The following ABCA4 variants were observed in gnomAD, a reference collection of about 807,000 sequenced individuals.
ABCA4 encodes ATP binding cassette subfamily A member 4, also known as retinal-specific phospholipid-transporting ATPase ABCA4.
ABCA4 carries 196 observed loss-of-function variants against 263.7 expected under a neutral mutation model. The ratio of observed to expected loss-of-function variants is 0.74; its 90% CI spans 0.66 to 0.84. ABCA4 has a LOEUF of 0.84. Among genes scored for constraint, ABCA4 ranks in the 40% least tolerant of loss-of-function variants. The probability of loss-of-function intolerance (pLI) is 0.00; values close to 1 mark genes in which losing one functional copy is unlikely to be tolerated. For missense variants in ABCA4, 2,792 were observed against 2,855.1 expected (o/e 0.98, Z 0.50); for synonymous variants, 1,133 against 1,094.2 (o/e 1.04, Z -0.70).
In ABCA4 at chr1:94,021,332, G is replaced by T. The variant is rs61753017; in HGVS notation, c.4926C>A (p.Ser1642Arg). ...CCTCGGGGCTCCTGTCCTTAGGCAG[G>T]CTGGCCCGTAAGATGGCGTTGTGGG... The part of the protein sequence containing the change: ...NVAHNAILRA[S>R]LPKDRSPEEY... The change falls in exon 35 of 50, where the codon AGC becomes AGA. Residue 1642 changes from serine (S) to arginine (R), a missense_variant. Ser to Arg is a moderately radical substitution (Grantham distance 110, BLOSUM62 -1). Coordinates refer to ENST00000370225, the MANE Select transcript of ABCA4 (RefSeq NM_000350.3). 1.2e-6 allele frequency: 2 copies of T among 1,614,196 alleles called. No homozygotes were observed. The highest frequency in any genetic ancestry group is 1.7e-6 in the Non-Finnish European group (2 of 1,180,042).
intron 7 of ABCA4, 143 bp from the exon 8 acceptor site, chr1:94,080,861 GA>G (rs1661678406): frequency 7.7e-7 from 1 of 1,301,318 alleles, no homozygotes; most frequent in Non-Finnish European, 1.1e-6. Flanking sequence ...ATCCAGCTGC[GA>G]AAAACAAAAA....
chr1:94,088,905 G>A (rs1661902878), intron 6 of ABCA4, among the ~76,000 whole-genome samples: 1 of 152,250 alleles, frequency 6.6e-6, no homozygotes, highest in African/African-American at 2.4e-5. Flanking sequence ...CTGCGCATAA[G>A]TAAATCAGTC....
Position 94,028,924 on chromosome 1 carries a change from A to AC in ABCA4, c.4539+520_4539+521insG, listed in dbSNP as rs1332628574. 3.9e-4 allele frequency among the ~76,000 whole-genome samples: 56 copies of AC among 143,020 alleles called. 1 individual carries two copies. Among genetic ancestry groups the AC allele is most frequent in the African/African-American group, 1.4e-3 (54 of 39,372 alleles). 93.8% of individuals were successfully genotyped at this position (143,020 alleles called of 152,430 possible). A position where few individuals can be genotyped will look rare whatever the true frequency, so the allele number is the denominator to read the frequency against. ...TCTGTCTCAAAAAAAAAAAAAAAAA[A>AC]AAAAAAGAAATTCAAACAATGGGAT... On this transcript the variant is annotated intron_variant, in intron 30 of 49. Transcript: ENST00000370225.
chr1:94,019,852 C>T (rs1571256890), intron 35 of ABCA4, 93 bp from the exon 36 acceptor site: 15 of 1,410,490 alleles, frequency 1.1e-5, no homozygotes, highest in Non-Finnish European at 1.5e-5. Context: ...GAAGGCCTTA[C>T]ACCCGCCCAG....
chr1:94,074,127 G>T (rs962877045), intron 11 of ABCA4, among the ~76,000 whole-genome samples: 2 of 152,168 alleles, frequency 1.3e-5, no homozygotes, highest in Non-Finnish European at 2.9e-5. Flanking sequence ...TGAGCCAGTC[G>T]ATCTGGGTTG....
intron 26 of ABCA4, 44 bp from the exon 27 acceptor site, chr1:94,032,087 G>A (rs1238896290): frequency 1.9e-6 from 3 of 1,601,100 alleles, no homozygotes. Flanking sequence ...ATGCCTATAA[G>A]GTCTGGATCT....
chr1:94,104,021 G>A (rs1057187997), intron 4 of ABCA4, among the ~76,000 whole-genome samples: 1 of 152,196 alleles, frequency 6.6e-6, no homozygotes. Flanking sequence ...GATTGTTGAT[G>A]CGGGGTAAGG....
At position 94,037,315 on chromosome 1, in the gene ABCA4, G is replaced by T; in HGVS notation, c.3643C>A (p.His1215Asn). Reference sequence around the variant, plus strand: ...TCCACCAGCTTTGCCTCTGGAACATGGTGGAGAACTACATCCATCAGCTCA... The same window carrying T: ...TCCACCAGCTTTGCCTCTGGAACATTGTGGAGAACTACATCCATCAGCTCA... ...VNELMDVVLHHVPEAKLVECI... is the reference protein window; with the variant it reads ...VNELMDVVLHNVPEAKLVECI... The change falls in exon 25 of 50, where the codon CAT becomes AAT. Residue 1215 changes from histidine (H) to asparagine (N), a missense_variant. Physicochemically the swap from His to Asn is moderately conservative, Grantham distance 68. Coordinates refer to ENST00000370225, the MANE Select transcript of ABCA4 (RefSeq NM_000350.3). 1 of 1,614,196 alleles carries T rather than the reference G, an allele frequency of 6.2e-7. No homozygotes were observed. Among genetic ancestry groups the T allele is most frequent in the Non-Finnish European group, 8.5e-7 (1 of 1,180,034 alleles).
chr1:94,068,318 G>C (rs1034820620), intron 11 of ABCA4, among the ~76,000 whole-genome samples: 1 of 152,146 alleles, frequency 6.6e-6, no homozygotes, highest in Admixed American at 6.5e-5. Flanking sequence ...ATCTTCCCTA[G>C]ATCAAGGTAG....
rs756060783 is a variant in ABCA4, at chr1:94,120,950, C to T, written c.66+30G>A. 9.9e-6 allele frequency: 15 copies of T among 1,518,172 alleles called. No individual in the cohort carries two copies. In the South Asian group the frequency reaches 1.4e-4, roughly 15 times the overall value. 94.0% of individuals were successfully genotyped at this position (1,518,172 alleles called of 1,614,324 possible). On this transcript the variant is annotated intron_variant, in intron 1 of 49. Coordinates refer to ENST00000370225, the MANE Select transcript of ABCA4 (RefSeq NM_000350.3). Reference sequence around the variant, plus strand: ...CAACCTGTTTATTTGCTCCACACCTCATTTTTAAACCACAGACAGTAACTG... The same window carrying T: ...CAACCTGTTTATTTGCTCCACACCTTATTTTTAAACCACAGACAGTAACTG...
Position 94,001,224 on chromosome 1 carries a change from C to T in ABCA4, c.6283-119G>A, listed in dbSNP as rs558082062. ...CTGACAGAAGGCGCACACAGTCACTCCCCTCACTTGAGCAAGACAGGGGTA... is the reference window on the plus strand; with the variant it reads ...CTGACAGAAGGCGCACACAGTCACTTCCCTCACTTGAGCAAGACAGGGGTA... On this transcript the variant is annotated intron_variant, in intron 45 of 49. Transcript: ENST00000370225. 8.1e-4 allele frequency: 631 copies of T among 778,142 alleles called. 6 individuals carry two copies. The South Asian group carries it at 9.8e-3, about 12-fold the overall frequency. 48.2% of individuals were successfully genotyped at this position (778,142 alleles called of 1,614,324 possible).
chr1:94,081,945 G>T (rs1661713172), intron 7 of ABCA4, among the ~76,000 whole-genome samples: 1 of 152,252 alleles, frequency 6.6e-6, no homozygotes, highest in Non-Finnish European at 1.5e-5. Context: ...TTTGCTTTCA[G>T]TGGTACTGGG....
intron 7 of ABCA4, among the ~76,000 whole-genome samples, chr1:94,081,080 C>A (rs1370851424): frequency 6.6e-6 from 1 of 152,042 alleles, no homozygotes. Context: ...AAAAAATTAG[C>A]CGGACATGGT....
intron 45 of ABCA4, 93 bp downstream of exon 45, chr1:94,001,765 G>T: frequency 6.3e-7 from 1 of 1,588,862 alleles, no homozygotes. Context: ...AACTGCTGCA[G>T]TTTCTAAATC....
At chr1:94,060,943 A>T (rs1557786487) in intron 13 of ABCA4, among the ~76,000 whole-genome samples, 184 bp from the exon 14 acceptor site, 1 of 152,236 alleles carries the variant, frequency 6.6e-6, no homozygotes, top group African/African-American at 2.4e-5. Flanking sequence ...GCCCTGAAGC[A>T]TTATTTTTTG....
intron 14 of ABCA4, among the ~76,000 whole-genome samples, 184 bp downstream of exon 14, chr1:94,060,353 A>G (rs1216222548): frequency 6.6e-6 from 1 of 152,216 alleles, no homozygotes; most frequent in Non-Finnish European, 1.5e-5. Flanking sequence ...GCTGTGATAC[A>G]GTGGCTCCTT....
At position 94,037,148 on chromosome 1, in the gene ABCA4, T is replaced by C; in HGVS notation, c.3810A>G (p.Glu1270=). 1.2e-6 allele frequency: 2 copies of C among 1,614,156 alleles called. No homozygotes were observed. Among genetic ancestry groups the C allele is most frequent in the Non-Finnish European group, 1.7e-6 (2 of 1,179,990 alleles). The part of the protein sequence containing the change: ...SSFGISDTPL[E]EIFLKVTEDS... ...CCAGCTGGAATCTCTACTTTACCTC[T>C]TCCAGGGGAGTGTCAGAAATTCCAA... Residue 1270 remains glutamate (E), a synonymous_variant, in exon 25 of 50, where the codon GAA becomes GAG. Coordinates refer to ENST00000370225, the MANE Select transcript of ABCA4 (RefSeq NM_000350.3).
chr1:94,114,245 G>T (rs895169297), intron 1 of ABCA4, among the ~76,000 whole-genome samples: 3 of 152,102 alleles, frequency 2.0e-5, no homozygotes, highest in African/African-American at 7.2e-5. Flanking sequence ...ACCATGTTCT[G>T]CTTTTTAAAA....
intron 14 of ABCA4, among the ~76,000 whole-genome samples, chr1:94,058,278 G>A (rs889268419): frequency 4.6e-5 from 7 of 152,240 alleles, no homozygotes; most frequent in Admixed American, 6.5e-5. Context: ...ATAAAAGCAA[G>A]TCCATGGCTG....
Sources: gnomAD v4.1 joint callset for allele counts (sites outside exome capture counted in the v4.1 genomes callset) on GRCh38, gnomAD v4.1.1 for gene constraint, MANE v1.5 for transcripts, NCBI Gene and HGNC (gene_info 2026-07-23, HGNC 2026-07-21) for gene names.